Variants in AHNAK2 observed in about 807,000 individuals in gnomAD.
The protein encoded by AHNAK2 is protein AHNAK2.
A neutral mutation model predicts 30.7 loss-of-function variants in AHNAK2; 18 were observed. That is an observed-to-expected ratio of 0.59 (90% CI 0.41 to 0.87). The LOEUF (loss-of-function observed/expected upper bound fraction) is 0.87, where lower values mean the gene tolerates loss of function less well. AHNAK2 is among the 40% of genes least tolerant of loss of function. The pLI is 0.00. For missense variants in AHNAK2, 8,604 were observed against 7,373.0 expected (o/e 1.17, Z -6.11); for synonymous variants, 3,590 against 3,073.8 (o/e 1.17, Z -5.56).
chr14:104,954,455 C>G lies in AHNAK2; in HGVS notation c.996G>C (p.Ser332=), dbSNP rs759290441. The G allele has an allele frequency of 6.2e-7, 1 of 1,612,586 alleles. No homozygotes were observed. The highest frequency in any genetic ancestry group is 1.1e-5 in the South Asian group (1 of 90,980). Residue 332 remains serine (S), a synonymous_variant, in exon 7 of 7, where the codon TCG becomes TCC. Transcript: ENST00000333244. The surrounding 1 kb of genome is among the most constrained non-coding windows in gnomAD (Gnocchi z 4.3). ...KFLNLRFRTG[S]GQGPSSTGQP... is the part of the protein sequence containing the mutation. ...GTCCTGTCGATGAAGGGCCCTGTCC[C>G]GAGCCTGTCCTGAATCTGAGGTTGA...
rs77268153 is a variant in AHNAK2 at position 104,945,503 on chromosome 14, C to A, written c.9948G>T (p.Pro3316=). ...TGCCTGGGGCAGACGCCCTGTACGA[C>A]GGCATCTTGAATTTGGGCATTTTGA... ...SKFKMPKFKM[P]SYRASAPGKS... is the part of the protein sequence containing the mutation. The change falls in exon 7 of 7, where the codon CCG becomes CCT. Residue 3316 remains proline (P), a synonymous_variant. Coordinates refer to ENST00000333244, the MANE Select transcript of AHNAK2 (RefSeq NM_138420.4). 3.8e-3 allele frequency: 6,055 copies of A among 1,612,354 alleles called. 221 individuals carry two copies. The African/African-American group carries it at 0.067, about 18-fold the overall frequency.
Position 104,947,524 on chromosome 14 carries a change from C to G in AHNAK2, c.7927G>C (p.Ala2643Pro). Residue 2643 changes from alanine to proline, a missense_variant, in exon 7 of 7, where the codon GCC (alanine) becomes CCC (proline). Coordinates refer to ENST00000333244, the MANE Select transcript of AHNAK2 (RefSeq NM_138420.4). ...GGCATTTTGAACTTGCTATCTTTGG[C>G]TGTCACACCCTTGTCGGCCAGGGAC... The part of the protein sequence containing the change: ...DLSLADKGVT[A>P]KDSKFKMPKF... The G allele has an allele frequency of 6.2e-7, 1 of 1,611,866 alleles. No homozygotes were observed. Among genetic ancestry groups the G allele is most frequent in the Non-Finnish European group, 8.5e-7 (1 of 1,179,364 alleles).
chr14:104,956,535 G>T, intron 4 of AHNAK2, 53 bp downstream of exon 4: 3 of 1,580,666 alleles, frequency 1.9e-6, no homozygotes. Context: ...TCTCTGGCTG[G>T]ATCCCTTGAG....
At position 104,946,107 on chromosome 14, in the gene AHNAK2, G is replaced by A. The variant is rs1369054928; in HGVS notation, c.9344C>T (p.Ala3115Val). 9 of 1,611,394 alleles carry A rather than the reference G, an allele frequency of 5.6e-6. No individual in the cohort carries two copies. Among genetic ancestry groups the A allele is most frequent in the Middle Eastern group, 1.7e-4 (1 of 6,032 alleles). ...TGCACCATCCAACTTGGCTCCTGGG[G>A]CCTCGACATCCACCTCCATGCCGGG... ...SQPGMEVDVE[A>V]PGAKLDGARL... is the part of the protein sequence containing the mutation. The change falls in exon 7 of 7, where the codon GCC becomes GTC. Residue 3115 changes from alanine to valine, a missense_variant. Ala to Val is a moderately conservative substitution (Grantham distance 64). Transcript: ENST00000333244.
Position 104,940,971 on chromosome 14 carries a change from C to G in AHNAK2, c.14480G>C (p.Cys4827Ser). The G allele has an allele frequency of 1.2e-6, 2 of 1,613,162 alleles. No individual in the cohort carries two copies. Among genetic ancestry groups the G allele is most frequent in the South Asian group, 1.1e-5 (1 of 91,068 alleles). Residue 4827 changes from cysteine to serine, a missense_variant, in exon 7 of 7, where the codon TGC (cysteine) becomes TCC (serine). Transcript: ENST00000333244. This position sits in a 1 kb window ranked among gnomAD's most constrained non-coding sequence, Gnocchi z 4.4. ...QADIPLPKTE[C>S]STDLQPPEGV... ...CTCTGGAGGCTGCAGGTCAGTGGAG[C>G]ACTCTGTCTTGGGAAGAGGAATATC... is the stretch of plus-strand genomic sequence containing the variant.
chr14:104,946,988 C>T lies in AHNAK2; in HGVS notation c.8463G>A (p.Pro2821=), dbSNP rs138287800. 6.6e-3 allele frequency: 10,566 copies of T among 1,606,946 alleles called. 410 individuals carry two copies. In the African/African-American group the frequency reaches 0.074, roughly 11 times the overall value. Residue 2821 remains proline (P), a synonymous_variant, in exon 7 of 7, where the codon CCG becomes CCA. Coordinates refer to ENST00000333244, the MANE Select transcript of AHNAK2 (RefSeq NM_138420.4). ...SKFKMPKFKM[P]SFGVSAPGKS... ...TGCCTGGGGCCGACACCCCGAATGA[C>T]GGCATCTTGAACTTGGGCATTTTGA...
chr14:104,970,064 C>A (rs952535270), intron 1 of AHNAK2, among the ~76,000 whole-genome samples: 17 of 152,194 alleles, frequency 1.1e-4, no homozygotes, highest in Admixed American at 1.1e-3. Context: ...TGCAGACCTG[C>A]GGCTGCCCTG....
At chr14:104,955,972 T>C (rs1471960422) in intron 4 of AHNAK2, among the ~76,000 whole-genome samples, 3 of 123,560 alleles carry the variant, frequency 2.4e-5, no homozygotes, top group Admixed American at 7.6e-5. Flanking sequence ...AGCTCCTTCA[T>C]GCATTCTTCA....
rs751203482 is a variant in AHNAK2, at chr14:104,951,152, G to C, written c.4299C>G (p.Ile1433Met). The C allele has an allele frequency of 2.8e-6, 3 of 1,068,674 alleles. No homozygotes were observed. The allele number at this position is 1,068,674 out of a possible 1,614,324, so 66.2% of individuals were successfully genotyped here. ...CTTTTAGGTCCAGCTTGGGGCCCTT[G>C]ATGTCTATTTCAGGGCCCTTGAGGT... ...KVDLKGPEID[I>M]KGPKLDLKDP... is the part of the protein sequence containing the mutation. The change falls in exon 7 of 7, where the codon ATC (isoleucine) becomes ATG (methionine). Residue 1433 changes from isoleucine (I) to methionine (M), a missense_variant. Transcript: ENST00000333244.
chr14:104,970,404 G>A (rs1308708885), intron 1 of AHNAK2: 21 of 984,978 alleles, frequency 2.1e-5, no homozygotes, highest in Non-Finnish European at 2.5e-5. Context: ...CCACAGACCC[G>A]CGGAAGAGTG....
In AHNAK2 at chr14:104,952,566, G is replaced by A; in HGVS notation, c.2885C>T (p.Pro962Leu). The A allele has an allele frequency of 6.2e-7, 1 of 1,612,856 alleles. No individual in the cohort carries two copies. The highest frequency in any genetic ancestry group is 8.5e-7 in the Non-Finnish European group (1 of 1,179,680). ...VTAPDGEVSL[P>L]SMEVDVQAQK... is the part of the protein sequence containing the mutation. ...GGCCTGGACATCCACCTCCATGCTG[G>A]GCAGAGACACCTCGCCATCGGGGGC... The change falls in exon 7 of 7, where the codon CCC becomes CTC. Residue 962 changes from proline (P) to leucine (L), a missense_variant. Pro to Leu is a moderately conservative substitution (Grantham distance 98). Coordinates refer to ENST00000333244, the MANE Select transcript of AHNAK2 (RefSeq NM_138420.4).
chr14:104,956,327 G>T (rs1382143585), intron 4 of AHNAK2, among the ~76,000 whole-genome samples: 6 of 152,122 alleles, frequency 3.9e-5, no homozygotes, highest in Admixed American at 3.9e-4. Flanking sequence ...GTACAGCCAG[G>T]TCTACCTGGC....
In AHNAK2 at chr14:104,948,776, A is replaced by C. The variant is rs200325743; in HGVS notation, c.6675T>G (p.Pro2225=). 2.3e-5 allele frequency: 37 copies of C among 1,600,432 alleles called. No individual in the cohort carries two copies. In the African/African-American group the frequency reaches 4.1e-4, roughly 18 times the overall value. The stretch of plus-strand genomic sequence containing the variant: ...CTTTGAGGCCGACTTCCTCGGGCAC[A>C]GGGCCCTCCAGGAGTTTCACGTCCA... ...GQVDVKLLEG[P]VPEEVGLKGH... The change falls in exon 7 of 7, where the codon CCT becomes CCG. Residue 2225 remains proline (P), a synonymous_variant. Coordinates refer to ENST00000333244, the MANE Select transcript of AHNAK2 (RefSeq NM_138420.4).
Position 104,953,326 on chromosome 14 carries a change from C to G in AHNAK2, c.2125G>C (p.Val709Leu), listed in dbSNP as rs748111607. 5.6e-6 allele frequency: 9 copies of G among 1,613,268 alleles called. No homozygotes were observed. Among genetic ancestry groups the G allele is most frequent in the Middle Eastern group, 1.6e-4 (1 of 6,084 alleles). Residue 709 changes from valine (V) to leucine (L), a missense_variant, in exon 7 of 7, where the codon GTG becomes CTG. Coordinates refer to ENST00000333244, the MANE Select transcript of AHNAK2 (RefSeq NM_138420.4). The part of the protein sequence containing the change: ...DVSAPKVEAD[V>L]SLLSMQGDLK... ...TCCCCCTGCATGGAGAGGAGGCTCA[C>G]GTCGGCCTCCACCTTCGGCGCAGAC... is the stretch of plus-strand genomic sequence containing the variant.
At chr14:104,974,073 C>T (rs1387794138) in intron 1 of AHNAK2, among the ~76,000 whole-genome samples, 4 of 152,180 alleles carry the variant, frequency 2.6e-5, no homozygotes, top group Non-Finnish European at 5.9e-5. Context: ...AAGGCCTTGA[C>T]TCCCGGCCAG....
In AHNAK2 at chr14:104,945,461, C is replaced by G. The variant is rs150114169; in HGVS notation, c.9990G>C (p.Ser3330=). 2.5e-6 allele frequency: 4 copies of G among 1,613,402 alleles called. No homozygotes were observed. Among genetic ancestry groups the G allele is most frequent in the East Asian group, 2.2e-5 (1 of 44,812 alleles). Reference sequence around the variant, plus strand: ...CCGCCTTCGGCGCAGACACATCCACCGAGGCCTGGATGGACTTGCCTGGGG... The same window carrying G: ...CCGCCTTCGGCGCAGACACATCCACGGAGGCCTGGATGGACTTGCCTGGGG... ...ASAPGKSIQA[S]VDVSAPKAEA... Residue 3330 remains serine, a synonymous_variant, in exon 7 of 7, where the codon TCG becomes TCC. Coordinates refer to ENST00000333244, the MANE Select transcript of AHNAK2 (RefSeq NM_138420.4).
chr14:104,945,400 G>T lies in AHNAK2; in HGVS notation c.10051C>A (p.Leu3351Ile). 1 of 1,613,024 alleles carries T rather than the reference G, an allele frequency of 6.2e-7. No homozygotes were observed. The highest frequency in any genetic ancestry group is 1.1e-5 in the South Asian group (1 of 91,040). Residue 3351 changes from leucine (L) to isoleucine (I), a missense_variant, in exon 7 of 7, where the codon CTC becomes ATC. Leu to Ile is a conservative substitution (Grantham distance 5). Coordinates refer to ENST00000333244, the MANE Select transcript of AHNAK2 (RefSeq NM_138420.4). ...DVSLPSMQGD[L>I]KTTDLSIQLP... is the part of the protein sequence containing the mutation. ...TGAATGCTGAGGTCAGTGGTCTTGA[G>T]GTCCCCCTGCATGGAGGGGAGGCTC... is the stretch of plus-strand genomic sequence containing the variant.
Position 104,943,662 on chromosome 14 carries a change from G to T in AHNAK2, c.11789C>A (p.Ser3930Tyr), listed in dbSNP as rs376769549. 1.9e-5 allele frequency: 30 copies of T among 1,613,126 alleles called. No homozygotes were observed. Among genetic ancestry groups the T allele is most frequent in the Admixed American group, 6.7e-5 (4 of 59,932 alleles). The change falls in exon 7 of 7, where the codon TCT (serine) becomes TAT (tyrosine). Residue 3930 changes from serine to tyrosine, a missense_variant. Ser to Tyr is a moderately radical substitution (Grantham distance 144). Coordinates refer to ENST00000333244, the MANE Select transcript of AHNAK2 (RefSeq NM_138420.4). ...GACGTCCACCTCCACGCTGGGCAGA[G>T]AAACCTCCACATCAGGGGCTGTCAC... is the stretch of plus-strand genomic sequence containing the variant. ...VEVTAPDVEVSLPSVEVDVEA... is the reference protein window; with the variant it reads ...VEVTAPDVEVYLPSVEVDVEA...
In AHNAK2 at chr14:104,947,671, C is replaced by T; in HGVS notation, c.7780G>A (p.Asp2594Asn). 6.2e-7 allele frequency: 1 copy of T among 1,613,130 alleles called. No homozygotes were observed. The highest frequency in any genetic ancestry group is 8.5e-7 in the Non-Finnish European group (1 of 1,179,652). The change falls in exon 7 of 7, where the codon GAC becomes AAC. Residue 2594 changes from aspartate to asparagine, a missense_variant. Transcript: ENST00000333244. Reference protein sequence around the residue: ...PQLDVKGPKLDLKGPKAEVTA... With the variant: ...PQLDVKGPKLNLKGPKAEVTA... ...ACTTCCGCCTTGGGGCCTTTCAGGT[C>T]CAGCTTGGGGCCCTTGACATCTAGC...
Sources: gnomAD v4.1 joint callset for allele counts (sites outside exome capture counted in the v4.1 genomes callset) on GRCh38, gnomAD v4.1.1 for gene constraint, Gnocchi (gnomAD v3.1) non-coding constraint, MANE v1.5 for transcripts, NCBI Gene and HGNC (gene_info 2026-07-23, HGNC 2026-07-21) for gene names.